Variants in KIF26A observed in about 807,000 individuals in gnomAD.
KIF26A encodes the protein kinesin family member 26A.
KIF26A carries 74 observed loss-of-function variants against 126.0 expected under a neutral mutation model. The ratio of observed to expected loss-of-function variants is 0.59; its 90% confidence interval spans 0.49 to 0.71. The LOEUF (loss-of-function observed/expected upper bound fraction) is 0.71. Among genes scored for constraint, KIF26A ranks in the 30% least tolerant of loss-of-function variants. The pLI is 0.00. For missense variants in KIF26A, 2,984 were observed against 2,763.3 expected (o/e 1.08, Z -1.79); for synonymous variants, 1,445 against 1,232.7 (o/e 1.17, Z -3.61).
chr14:104,176,729 G>GTGTGACAACGCCAGC lies in KIF26A; in HGVS notation c.3946_3960dup (p.Thr1316_Val1320dup). 6.3e-7 allele frequency: 1 copy of GTGTGACAACGCCAGC among 1,587,216 alleles called. No homozygotes were observed. Among genetic ancestry groups the GTGTGACAACGCCAGC allele is most frequent in the Non-Finnish European group, 8.6e-7 (1 of 1,167,918 alleles). On this transcript the variant is annotated inframe_insertion, in exon 12 of 15. Transcript: ENST00000423312. ...CTGCGGAGGGGTGCCACCACGCTGGGTGTGACAACGCCAGCTGTGTCCTGG... is the reference window on the plus strand; with the variant it reads ...CTGCGGAGGGGTGCCACCACGCTGGGTGTGACAACGCCAGCTGTGACAACGCCAGCTGTGTCCTGG...
intron 2 of KIF26A, among the ~76,000 whole-genome samples, chr14:104,147,604 G>A (rs1212182947): frequency 2.0e-5 from 3 of 152,210 alleles, no homozygotes; most frequent in Admixed American, 6.5e-5. Flanking sequence ...CACCGAGCCC[G>A]CTCCTTGCCC....
At chr14:104,174,875 T>G (rs2037998812) in intron 11 of KIF26A, 107 bp from the exon 12 acceptor site, 1 of 1,241,458 alleles carries the variant, frequency 8.1e-7, no homozygotes, top group African/African-American at 1.5e-5. Context: ...CCTGCTGTAG[T>G]TTTCATCACA....
At chr14:104,168,560 G>A (rs1438091868) in intron 5 of KIF26A, among the ~76,000 whole-genome samples, 1 of 152,178 alleles carries the variant, frequency 6.6e-6, no homozygotes, top group Non-Finnish European at 1.5e-5. Context: ...GCACCTTGGA[G>A]CTGCATGGGT....
In KIF26A at chr14:104,157,860, TGCA is replaced by T; in HGVS notation, c.842_844del (p.Cys281_Thr282delinsSer). 6.2e-7 allele frequency: 1 copy of T among 1,607,240 alleles called. No individual in the cohort carries two copies. The highest frequency in any genetic ancestry group is 8.5e-7 in the Non-Finnish European group (1 of 1,176,720). On this transcript the variant is annotated inframe_deletion, in exon 4 of 15. Coordinates refer to ENST00000423312, the MANE Select transcript of KIF26A (RefSeq NM_015656.2). ...GAAGGCCTGGGGCCGTGGTGGAGTC[TGCA>T]CGTCAGCCCTGGTCACCCCCACCCC...
intron 8 of KIF26A, 28 bp downstream of exon 8, chr14:104,173,267 G>A: frequency 6.2e-7 from 1 of 1,602,390 alleles, no homozygotes; most frequent in Non-Finnish European, 8.5e-7. Flanking sequence ...CCCACCTTGG[G>A]GGAGGGGGGC....
At chr14:104,168,127 C>T (rs565486937) in intron 5 of KIF26A, among the ~76,000 whole-genome samples, 12 of 152,316 alleles carry the variant, frequency 7.9e-5, no homozygotes, top group African/African-American at 2.2e-4. Flanking sequence ...CTTTACAGCT[C>T]TGTAGTCCTG....
At position 104,177,217 on chromosome 14, in the gene KIF26A, G is replaced by T. The variant is rs758536778; in HGVS notation, c.4429G>T (p.Ala1477Ser). ...ACCCTCCAGCCCCACACACGGTCCA[G>T]CTCCCGCCTGTAGGAGCGGCGCAGC... is the stretch of plus-strand genomic sequence containing the variant. ...VPPSSPTHGP[A>S]PACRSGAAKA... Residue 1477 changes from alanine (A) to serine (S), a missense_variant, in exon 12 of 15, where the codon GCT becomes TCT. Coordinates refer to ENST00000423312, the MANE Select transcript of KIF26A (RefSeq NM_015656.2). 9.4e-6 allele frequency: 15 copies of T among 1,591,186 alleles called. No individual in the cohort carries two copies. Among genetic ancestry groups the T allele is most frequent in the Admixed American group, 6.7e-5 (4 of 59,410 alleles).
At chr14:104,150,331 T>C (rs908920923) in intron 2 of KIF26A, among the ~76,000 whole-genome samples, 4 of 151,488 alleles carry the variant, frequency 2.6e-5, no homozygotes, top group African/African-American at 7.3e-5. Flanking sequence ...GCCAGGCACT[T>C]CAGAGGCTCT....
At position 104,148,722 on chromosome 14, in the gene KIF26A, G is replaced by A. The variant is rs1482870207; in HGVS notation, c.289-3293G>A. 6.6e-6 allele frequency among the ~76,000 whole-genome samples: 1 copy of A among 152,048 alleles called. No individual in the cohort carries two copies. The highest frequency in any genetic ancestry group is 1.5e-5 in the Non-Finnish European group (1 of 67,992). ...GGCTGGGCGGCTTTTGTCTCTCTGA[G>A]GGCTGCGTCTGGGGTCTGCTGTGCG... On this transcript the variant is annotated intron_variant, in intron 2 of 14. Transcript: ENST00000423312. This position sits in a 1 kb window ranked among gnomAD's most constrained non-coding sequence, Gnocchi z 4.3.
chr14:104,158,989 CGAG>C (rs1202769154), intron 4 of KIF26A, among the ~76,000 whole-genome samples: 2 of 152,236 alleles, frequency 1.3e-5, no homozygotes, highest in Non-Finnish European at 2.9e-5. Flanking sequence ...CGGCCAGAGA[CGAG>C]GGCGTCTTAT....
At chr14:104,146,925 A>G (rs1293069940) in intron 2 of KIF26A, among the ~76,000 whole-genome samples, 2 of 152,088 alleles carry the variant, frequency 1.3e-5, no homozygotes, top group African/African-American at 4.8e-5. Flanking sequence ...CACTCTTGGC[A>G]GCCTCGTAGG....
chr14:104,144,442 T>C (rs1284547506), intron 2 of KIF26A, among the ~76,000 whole-genome samples: 2 of 152,158 alleles, frequency 1.3e-5, no homozygotes, highest in Non-Finnish European at 2.9e-5. Context: ...GACTGCAGGC[T>C]ACCCCCAAAC....
intron 4 of KIF26A, among the ~76,000 whole-genome samples, chr14:104,158,539 A>G (rs936519835): frequency 3.9e-5 from 6 of 152,180 alleles, no homozygotes; most frequent in African/African-American, 1.4e-4. Context: ...CACCAGGAGC[A>G]TCCCACATTG....
In KIF26A at chr14:104,175,695, G is replaced by A. The variant is rs1417130525; in HGVS notation, c.2907G>A (p.Gly969=). 1 of 1,601,096 alleles carries A rather than the reference G, an allele frequency of 6.2e-7. No homozygotes were observed. Among genetic ancestry groups the A allele is most frequent in the Non-Finnish European group, 8.5e-7 (1 of 1,175,100 alleles). The change falls in exon 12 of 15, where the codon GGG becomes GGA. Residue 969 remains glycine (G), a synonymous_variant. Coordinates refer to ENST00000423312, the MANE Select transcript of KIF26A (RefSeq NM_015656.2). ...CCTGCAGAGCCCCAGAAGAGCCTGGGGGAGGGGGCACTGATGGAGTGGCAC... is the reference window on the plus strand; with the variant it reads ...CCTGCAGAGCCCCAGAAGAGCCTGGAGGAGGGGGCACTGATGGAGTGGCAC... ...LEACRAPEEP[G]GGGTDGVART... is the part of the protein sequence containing the mutation.
At chr14:104,156,019 A>G (rs920467557) in intron 3 of KIF26A, among the ~76,000 whole-genome samples, 3 of 152,158 alleles carry the variant, frequency 2.0e-5, no homozygotes, top group Non-Finnish European at 4.4e-5. Context: ...ATGTGGCCCC[A>G]CGGTGGTGCC....
chr14:104,165,955 G>A (rs1036818326), intron 4 of KIF26A, among the ~76,000 whole-genome samples: 5 of 151,998 alleles, frequency 3.3e-5, no homozygotes, highest in South Asian at 4.2e-4. Context: ...AAACCCAAGC[G>A]TCAGCCTCTC....
Position 104,167,049 on chromosome 14 carries a change from G to T in KIF26A, c.1113+1G>T. ...GGACAACCCTGGCAGCATCGGGAAG[G>T]TAGACGCAGCCCCGAGTTCGGGGCC... On this transcript the variant is annotated splice_donor_variant, in intron 5 of 14. Coordinates refer to ENST00000423312, the MANE Select transcript of KIF26A (RefSeq NM_015656.2). LOFTEE classifies it high-confidence loss of function. 1 of 1,542,494 alleles carries T rather than the reference G, an allele frequency of 6.5e-7. No homozygotes were observed.
chr14:104,160,280 C>T (rs73358294), intron 4 of KIF26A, among the ~76,000 whole-genome samples: 4,747 of 152,176 alleles, frequency 0.031, 249 homozygotes, highest in African/African-American at 0.11. Context: ...TTTTGAATCC[C>T]GTGGGCCTGG....
At chr14:104,156,992 G>A (rs765635062) in intron 3 of KIF26A, among the ~76,000 whole-genome samples, 8 of 152,134 alleles carry the variant, frequency 5.3e-5, no homozygotes, top group Admixed American at 1.3e-4. Flanking sequence ...TTGGGGAAGG[G>A]GCCGGGGCGA....
Sources: gnomAD v4.1 joint callset for allele counts (sites outside exome capture counted in the v4.1 genomes callset) on GRCh38, gnomAD v4.1.1 for gene constraint, Gnocchi (gnomAD v3.1) non-coding constraint, MANE v1.5 for transcripts, NCBI Gene and HGNC (gene_info 2026-07-23, HGNC 2026-07-21) for gene names.